LRRTM4: variants seen among roughly 807,000 people sequenced by gnomAD.
The protein encoded by LRRTM4 is leucine rich repeat transmembrane neuronal 4.
In LRRTM4, 25 loss-of-function variants were observed where a neutral mutation model predicts 47.6. The observed-to-expected ratio is 0.53, with a 90% CI of 0.38 to 0.73. LRRTM4 has a LOEUF of 0.73. Among genes scored for constraint, LRRTM4 ranks in the 30% least tolerant of loss-of-function variants. The probability of loss-of-function intolerance (pLI) is 0.00; values close to 1 mark genes in which losing one functional copy is unlikely to be tolerated. For missense variants in LRRTM4, 638 were observed against 713.4 expected (o/e 0.89, Z 1.20); for synonymous variants, 311 against 269.5 (o/e 1.15, Z -1.51).
At chr2:76,967,663 G>C (rs1302036951) in intron 3 of LRRTM4, among the ~76,000 whole-genome samples, 3 of 151,594 alleles carry the variant, frequency 2.0e-5, no homozygotes, top group Non-Finnish European at 3.0e-5. Flanking sequence ...TGCTCTCAAC[G>C]CATGAGGATT....
At chr2:76,898,764 G>T (rs1396947342) in intron 3 of LRRTM4, among the ~76,000 whole-genome samples, 1 of 150,558 alleles carries the variant, frequency 6.6e-6, no homozygotes, top group Non-Finnish European at 1.5e-5. Flanking sequence ...AGGTATAGAA[G>T]ATATATAAAA....
At chr2:77,101,081 C>T (rs1033816638) in intron 3 of LRRTM4, among the ~76,000 whole-genome samples, 13 of 151,838 alleles carry the variant, frequency 8.6e-5, no homozygotes, top group Admixed American at 3.9e-4. Flanking sequence ...GTGATCCACC[C>T]GCCTCGGCCT....
intron 3 of LRRTM4, among the ~76,000 whole-genome samples, chr2:77,390,599 T>G (rs1673464807): frequency 6.6e-6 from 1 of 151,882 alleles, no homozygotes; most frequent in Non-Finnish European, 1.5e-5. Context: ...TTCTTTGTAT[T>G]CTAGAAAGGA....
At chr2:77,162,606 T>A (rs1404303927) in intron 3 of LRRTM4, among the ~76,000 whole-genome samples, 2 of 152,076 alleles carry the variant, frequency 1.3e-5, no homozygotes, top group African/African-American at 4.8e-5. Flanking sequence ...TGGCCTGGTG[T>A]CCCTCTGAGA....
intron 3 of LRRTM4, among the ~76,000 whole-genome samples, chr2:77,298,627 T>C (rs1677040162): frequency 6.6e-6 from 1 of 152,200 alleles, no homozygotes; most frequent in Admixed American, 6.5e-5. Flanking sequence ...CTAGAGACAA[T>C]TTTTATGCCC....
intron 3 of LRRTM4, among the ~76,000 whole-genome samples, chr2:77,004,312 G>A (rs1415019408): frequency 3.9e-5 from 6 of 152,310 alleles, no homozygotes; most frequent in African/African-American, 1.4e-4. Context: ...GCTGTGTGCA[G>A]CCTACGTACT....
At chr2:76,835,953 A>G (rs970494999) in intron 3 of LRRTM4, among the ~76,000 whole-genome samples, 9 of 152,052 alleles carry the variant, frequency 5.9e-5, no homozygotes, top group African/African-American at 2.2e-4. Context: ...ACGTTCTTGA[A>G]TTTCTAAATG....
chr2:76,779,946 A>G (rs1247972764), intron 3 of LRRTM4, among the ~76,000 whole-genome samples: 20 of 151,672 alleles, frequency 1.3e-4, no homozygotes, highest in South Asian at 4.2e-4. Context: ...AGCTCTTGTA[A>G]GGCAGGCCTG....
intron 3 of LRRTM4, among the ~76,000 whole-genome samples, chr2:76,908,026 C>G (rs1419925173): frequency 6.6e-6 from 1 of 151,766 alleles, no homozygotes; most frequent in Non-Finnish European, 1.5e-5. Flanking sequence ...CAAAGCTGGG[C>G]AGAGACACAG....
intron 3 of LRRTM4, among the ~76,000 whole-genome samples, chr2:77,293,918 G>A (rs1392543278): frequency 1.3e-5 from 2 of 152,064 alleles, no homozygotes; most frequent in African/African-American, 2.4e-5. Flanking sequence ...TTATTAAACA[G>A]TGTTGAATAT....
At chr2:77,064,650 G>A (rs976219872) in intron 3 of LRRTM4, among the ~76,000 whole-genome samples, 3 of 152,168 alleles carry the variant, frequency 2.0e-5, no homozygotes, top group Admixed American at 1.3e-4. Flanking sequence ...GTTCGGGAGT[G>A]TATCATCAAT....
chr2:76,793,608 GT>G (rs398090410), intron 3 of LRRTM4, among the ~76,000 whole-genome samples: 5 of 30,232 alleles, frequency 1.7e-4, no homozygotes, highest in Admixed American at 8.9e-4. Context: ...CTCTCGGTAA[GT>G]TAAGTTTTGA....
chr2:76,849,406 G>A (rs1265438959), intron 3 of LRRTM4, among the ~76,000 whole-genome samples: 1 of 152,008 alleles, frequency 6.6e-6, no homozygotes, highest in Non-Finnish European at 1.5e-5. Flanking sequence ...ATGAACGAAG[G>A]CTGAAAATAC....
chr2:77,438,875 G>A (rs1675717969), intron 3 of LRRTM4, among the ~76,000 whole-genome samples: 1 of 152,232 alleles, frequency 6.6e-6, no homozygotes, highest in East Asian at 1.9e-4. Flanking sequence ...CACTTCTAGT[G>A]TGGATACAAT....
chr2:77,521,019 T>C (rs1485330441), intron 2 of LRRTM4, among the ~76,000 whole-genome samples: 1 of 150,634 alleles, frequency 6.6e-6, no homozygotes, highest in East Asian at 1.9e-4. Flanking sequence ...CCCATCCTTC[T>C]TCTCAAACAG....
rs147147990 is a variant in LRRTM4 at position 76,749,646 on chromosome 2, C to T, written c.1552-730G>A. Among the ~76,000 whole-genome samples the T allele has an allele frequency of 4.4e-3, 670 of 152,110 alleles. 8 individuals carry two copies. Among genetic ancestry groups the T allele is most frequent in the African/African-American group, 0.015 (623 of 41,482 alleles). Reference sequence around the variant, plus strand: ...AAGCCAAATATGTGTCTAATGTTAGCGTAACAGACCTGAATAATGGTCTGC... The same window carrying T: ...AAGCCAAATATGTGTCTAATGTTAGTGTAACAGACCTGAATAATGGTCTGC... On this transcript the variant is annotated intron_variant, in intron 3 of 3. Coordinates refer to ENST00000409884, the MANE Select transcript of LRRTM4 (RefSeq NM_001134745.3).
chr2:77,167,752 T>A (rs1672928451), intron 3 of LRRTM4, among the ~76,000 whole-genome samples: 1 of 151,942 alleles, frequency 6.6e-6, no homozygotes, highest in Admixed American at 6.6e-5. Context: ...AATTAAACAA[T>A]GAGAACATTT....
intron 3 of LRRTM4, among the ~76,000 whole-genome samples, chr2:77,413,319 C>G (rs757285816): frequency 6.6e-6 from 1 of 152,166 alleles, no homozygotes; most frequent in African/African-American, 2.4e-5. Flanking sequence ...AGATCCATGT[C>G]TCAGGGCCCT....
chr2:77,164,550 T>G (rs563677123), intron 3 of LRRTM4, among the ~76,000 whole-genome samples: 1 of 152,142 alleles, frequency 6.6e-6, no homozygotes. Flanking sequence ...ATTGCCCACA[T>G]AGTTGGAAGT....
Sources: gnomAD v4.1 joint callset for allele counts (sites outside exome capture counted in the v4.1 genomes callset) on GRCh38, gnomAD v4.1.1 for gene constraint, MANE v1.5 for transcripts, NCBI Gene and HGNC (gene_info 2026-07-23, HGNC 2026-07-21) for gene names.